The following MDGA2 variants were observed in gnomAD, a reference collection of about 807,000 sequenced individuals.
MDGA2 encodes the protein MAM domain containing glycosylphosphatidylinositol anchor 2.
In MDGA2, 40 loss-of-function variants were observed where a neutral mutation model predicts 117.8. That is an observed-to-expected ratio of 0.34 (90% CI 0.26 to 0.44). The LOEUF is 0.44. MDGA2 is among the 20% of genes least tolerant of loss of function. MDGA2 has a pLI of 1.00. For synonymous variants in MDGA2, 452 were observed against 439.0 expected (o/e 1.03, Z -0.37); for missense variants, 1,123 against 1,250.6 (o/e 0.90, Z 1.54).
intron 8 of MDGA2, among the ~76,000 whole-genome samples, chr14:47,028,736 T>G (rs1474432864): frequency 6.6e-6 from 1 of 152,172 alleles, no homozygotes. Context: ...TGAATTATCA[T>G]GCTTATGGGA....
intron 7 of MDGA2, among the ~76,000 whole-genome samples, chr14:47,054,277 G>A (rs907950683): frequency 2.6e-5 from 4 of 151,864 alleles, no homozygotes; most frequent in African/African-American, 9.7e-5. Context: ...ATGCAAAGAG[G>A]TTAACTGACT....
In MDGA2 at chr14:47,593,867, C is replaced by T. The variant is rs554465911; in HGVS notation, c.280+80650G>A. 1.3e-4 allele frequency among the ~76,000 whole-genome samples: 20 copies of T among 152,048 alleles called. 3 individuals carry two copies. The South Asian group carries it at 3.7e-3, about 28-fold the overall frequency. ...AACCTGCACGTCCTGCACATGTATC[C>T]CGTAATTTAAAATAAAATAAAATAA... On this transcript the variant is annotated intron_variant, in intron 1 of 16. Transcript: ENST00000399232.
At chr14:47,659,712 C>A (rs973728107) in intron 1 of MDGA2, among the ~76,000 whole-genome samples, 14 of 152,164 alleles carry the variant, frequency 9.2e-5, no homozygotes, top group Admixed American at 6.5e-4. Context: ...TCACAAAATG[C>A]AAAAATTGGA....
chr14:47,394,514 T>C (rs569229541), intron 1 of MDGA2, among the ~76,000 whole-genome samples: 27 of 152,208 alleles, frequency 1.8e-4, no homozygotes, highest in African/African-American at 5.5e-4. Flanking sequence ...CTGCAAAAAA[T>C]AGTCTTAAGT....
At chr14:47,627,263 T>C (rs1268181644) in intron 1 of MDGA2, among the ~76,000 whole-genome samples, 1 of 151,850 alleles carries the variant, frequency 6.6e-6, no homozygotes, top group Non-Finnish European at 1.5e-5. Flanking sequence ...TGGTGGGGAC[T>C]TGGAGAACCT....
In MDGA2 at chr14:47,347,886, A is replaced by G. The variant is rs140195503; in HGVS notation, c.281-46336T>C. On this transcript the variant is annotated intron_variant, in intron 1 of 16. Transcript: ENST00000399232. ...TAATGGGAAAAGTGCAATGTTATAA[A>G]AGCCAAAATATAAGGAAATGTTCAA... Among the ~76,000 whole-genome samples the G allele has an allele frequency of 4.5e-3, 691 of 152,284 alleles. 6 individuals carry two copies. Among genetic ancestry groups the G allele is most frequent in the African/African-American group, 0.015 (604 of 41,566 alleles).
At chr14:47,323,070 A>G (rs1594795547) in intron 1 of MDGA2, among the ~76,000 whole-genome samples, 1 of 149,268 alleles carries the variant, frequency 6.7e-6, no homozygotes, top group East Asian at 2.0e-4. Flanking sequence ...TCTTCTCCCC[A>G]TTTTAAAGAC....
At chr14:47,093,017 T>G (rs1879752595) in intron 6 of MDGA2, among the ~76,000 whole-genome samples, 1 of 152,020 alleles carries the variant, frequency 6.6e-6, no homozygotes, top group Admixed American at 6.6e-5. Context: ...AAGCTTTATA[T>G]AGAGAAGATC....
intron 1 of MDGA2, among the ~76,000 whole-genome samples, chr14:47,556,416 ATCT>A (rs1268907405): frequency 2.0e-5 from 3 of 152,194 alleles, no homozygotes; most frequent in Admixed American, 6.5e-5. Context: ...GTCAGGAATG[ATCT>A]TCTCAGAAAT....
intron 1 of MDGA2, among the ~76,000 whole-genome samples, chr14:47,511,289 T>C (rs1894635009): frequency 6.6e-6 from 1 of 152,154 alleles, no homozygotes; most frequent in African/African-American, 2.4e-5. Context: ...GACTGTGTCA[T>C]AAGTTCAGCA....
At chr14:47,459,405 T>A (rs1893433486) in intron 1 of MDGA2, among the ~76,000 whole-genome samples, 1 of 134,068 alleles carries the variant, frequency 7.5e-6, no homozygotes, top group South Asian at 2.3e-4. Context: ...TAACCATTAG[T>A]TTCACTTTTT....
At chr14:47,610,324 C>T (rs957778441) in intron 1 of MDGA2, among the ~76,000 whole-genome samples, 2 of 152,036 alleles carry the variant, frequency 1.3e-5, no homozygotes, top group East Asian at 3.9e-4. Context: ...CCAGAGTAAT[C>T]AGACAAGAGA....
intron 9 of MDGA2, among the ~76,000 whole-genome samples, chr14:46,928,599 T>C (rs960175678): frequency 2.6e-5 from 4 of 152,148 alleles, no homozygotes; most frequent in African/African-American, 9.7e-5. Context: ...CTATCCACTT[T>C]CTAGTGACTC....
At chr14:46,956,486 G>T (rs1300250765) in intron 9 of MDGA2, among the ~76,000 whole-genome samples, 1 of 151,742 alleles carries the variant, frequency 6.6e-6, no homozygotes, top group Non-Finnish European at 1.5e-5. Context: ...CTTTTTCTTG[G>T]AATATTTGTA....
At chr14:47,187,159 G>A (rs1214567718) in intron 3 of MDGA2, among the ~76,000 whole-genome samples, 1 of 151,326 alleles carries the variant, frequency 6.6e-6, no homozygotes, top group Non-Finnish European at 1.5e-5. Context: ...TAGGCATTCA[G>A]AATAAAATAT....
At chr14:47,513,448 G>A (rs577331712) in intron 1 of MDGA2, among the ~76,000 whole-genome samples, 100 of 152,084 alleles carry the variant, frequency 6.6e-4, no homozygotes, top group African/African-American at 2.0e-3. Flanking sequence ...TTTCCCACGA[G>A]TATTTTTAGT....
At chr14:47,580,365 T>A (rs1447243665) in intron 1 of MDGA2, among the ~76,000 whole-genome samples, 2 of 152,016 alleles carry the variant, frequency 1.3e-5, no homozygotes, top group Non-Finnish European at 2.9e-5. Context: ...CTAATCCCAT[T>A]CATGAGGGCA....
At chr14:47,145,836 T>C (rs1306693841) in intron 3 of MDGA2, among the ~76,000 whole-genome samples, 2 of 152,166 alleles carry the variant, frequency 1.3e-5, no homozygotes, top group Admixed American at 1.3e-4. Flanking sequence ...ATTAATAATA[T>C]TACTATCATT....
At chr14:47,257,583 A>G (rs1285328552) in intron 2 of MDGA2, among the ~76,000 whole-genome samples, 1 of 152,314 alleles carries the variant, frequency 6.6e-6, no homozygotes, top group East Asian at 1.9e-4. Flanking sequence ...TGGTTTGCCT[A>G]GAACTGTGCC....
Sources: gnomAD v4.1 joint callset for allele counts (sites outside exome capture counted in the v4.1 genomes callset) on GRCh38, gnomAD v4.1.1 for gene constraint, MANE v1.5 for transcripts, NCBI Gene and HGNC (gene_info 2026-07-23, HGNC 2026-07-21) for gene names.